Variants in EEF2K observed in about 807,000 individuals in gnomAD.
The protein encoded by EEF2K is eukaryotic elongation factor 2 kinase.
A neutral mutation model predicts 93.8 loss-of-function variants in EEF2K; 70 were observed. The observed-to-expected ratio is 0.75, with a 90% CI of 0.62 to 0.91. The LOEUF (loss-of-function observed/expected upper bound fraction) is 0.91. EEF2K is among the 40% of genes least tolerant of loss of function. The probability of loss-of-function intolerance (pLI) is 0.00; values close to 1 mark genes in which losing one functional copy is unlikely to be tolerated. For missense variants in EEF2K, 935 were observed against 972.9 expected, an observed-to-expected ratio of 0.96 and a Z score of 0.52; for synonymous variants, 376 against 380.8, an observed-to-expected ratio of 0.99 and a Z score of 0.15.
chr16:22,266,299 G>A (rs2047517226), intron 13 of EEF2K, 91 bp from the exon 14 acceptor site: 1 of 1,504,830 alleles, frequency 6.6e-7, no homozygotes, highest in Non-Finnish European at 8.9e-7. Context: ...TCTCCCTCCA[G>A]CCAGGCTCCT....
intron 16 of EEF2K, among the ~76,000 whole-genome samples, chr16:22,274,893 CA>C (rs2047619735): frequency 6.6e-6 from 1 of 152,138 alleles, no homozygotes; most frequent in African/African-American, 2.4e-5. Context: ...TGTGAGCCAC[CA>C]CGCCTGACTA....
chr16:22,276,752 T>C (rs1372197852), intron 16 of EEF2K, among the ~76,000 whole-genome samples: 1 of 152,190 alleles, frequency 6.6e-6, no homozygotes, highest in Non-Finnish European at 1.5e-5. Flanking sequence ...TCTAGTCTAG[T>C]GTCTCCTAGT....
At chr16:22,221,398 C>T (rs558301207) in intron 1 of EEF2K, among the ~76,000 whole-genome samples, 1 of 151,960 alleles carries the variant, frequency 6.6e-6, no homozygotes, top group Admixed American at 6.6e-5. Context: ...CACCTGAACC[C>T]AGCTGTTGGA....
intron 1 of EEF2K, among the ~76,000 whole-genome samples, chr16:22,211,997 T>C (rs1404537916): frequency 6.6e-6 from 1 of 151,640 alleles, no homozygotes; most frequent in Admixed American, 6.6e-5. Context: ...AAGTGAGACG[T>C]GCTGTATCCC....
intron 12 of EEF2K, among the ~76,000 whole-genome samples, chr16:22,264,250 C>A (rs184229875): frequency 7.1e-6 from 1 of 140,640 alleles, no homozygotes. Context: ...CAAGGTCATG[C>A]CGCTGCACTC....
chr16:22,238,300 G>C (rs556490690), intron 2 of EEF2K, among the ~76,000 whole-genome samples: 8 of 151,834 alleles, frequency 5.3e-5, no homozygotes, highest in African/African-American at 1.9e-4. Flanking sequence ...CTCCCTGCCC[G>C]GGGGGAATAC....
intron 1 of EEF2K, among the ~76,000 whole-genome samples, chr16:22,214,510 C>T (rs1488718728): frequency 1.3e-5 from 2 of 151,428 alleles, no homozygotes; most frequent in Non-Finnish European, 2.9e-5. Flanking sequence ...AATAAAATAA[C>T]ATAATTAGCC....
In EEF2K at chr16:22,275,750, C is replaced by T. The variant is rs577476927; in HGVS notation, c.1889+2000C>T. ...CCACCTCCCAGGTTCAAGTGATTCT[C>T]CTGCCTCAGCCTCCCCAGTAGCTGG... On this transcript the variant is annotated intron_variant, in intron 16 of 17. Transcript: ENST00000263026. Among the ~76,000 whole-genome samples the T allele has an allele frequency of 1.3e-3, 200 of 151,466 alleles. 1 individual carries two copies. Among genetic ancestry groups the T allele is most frequent in the Non-Finnish European group, 2.8e-4 (19 of 67,918 alleles).
chr16:22,266,755 A>C lies in EEF2K; in HGVS notation c.1643A>C (p.Gln548Pro). 2 of 1,614,188 alleles carry C rather than the reference A, an allele frequency of 1.2e-6. No homozygotes were observed. Among genetic ancestry groups the C allele is most frequent in the Non-Finnish European group, 1.7e-6 (2 of 1,180,026 alleles). Residue 548 changes from glutamine to proline, a missense_variant, in exon 15 of 18, where the codon CAG (glutamine) becomes CCG (proline). By Grantham distance (76) the Gln-to-Pro change is moderately conservative (BLOSUM62 -1). Transcript: ENST00000263026. ...TGCGAGAAGGGCGAGGAGTGGGACC[A>C]GGAGTCGGCTGTCTTCCACCTGGAG... ...RFCEKGEEWD[Q>P]ESAVFHLEHA...
intron 6 of EEF2K, among the ~76,000 whole-genome samples, chr16:22,252,271 A>G (rs1194664394): frequency 6.6e-6 from 1 of 152,212 alleles, no homozygotes; most frequent in African/African-American, 2.4e-5. Context: ...TGCCACAGGC[A>G]CGGCTGGATG....
At chr16:22,275,215 C>A (rs1415990867) in intron 16 of EEF2K, among the ~76,000 whole-genome samples, 2 of 151,964 alleles carry the variant, frequency 1.3e-5, no homozygotes, top group Non-Finnish European at 2.9e-5. Context: ...CCTTTGTCTA[C>A]CTTTTATTTC....
intron 6 of EEF2K, among the ~76,000 whole-genome samples, chr16:22,254,845 G>A (rs879657744): frequency 2.6e-5 from 4 of 152,078 alleles, no homozygotes; most frequent in Admixed American, 6.6e-5. Context: ...GGGTGGGGGG[G>A]CGGATCACTT....
At chr16:22,277,276 A>G (rs983080241) in intron 16 of EEF2K, among the ~76,000 whole-genome samples, 1 of 152,106 alleles carries the variant, frequency 6.6e-6, no homozygotes, top group East Asian at 1.9e-4. Flanking sequence ...AGCTGGGACC[A>G]TAGCCATGCA....
chr16:22,275,153 C>G (rs948035599), intron 16 of EEF2K, among the ~76,000 whole-genome samples: 1 of 152,024 alleles, frequency 6.6e-6, no homozygotes, highest in African/African-American at 2.4e-5. Context: ...ATGCATGGGG[C>G]GGGGCCTGGA....
At chr16:22,224,147 C>T (rs2047040725) in intron 1 of EEF2K, among the ~76,000 whole-genome samples, 1 of 152,042 alleles carries the variant, frequency 6.6e-6, no homozygotes, top group Non-Finnish European at 1.5e-5. Context: ...GCGGAAGTTG[C>T]AGTGAGCCGA....
At chr16:22,217,878 G>T (rs572178590) in intron 1 of EEF2K, among the ~76,000 whole-genome samples, 12 of 152,270 alleles carry the variant, frequency 7.9e-5, no homozygotes, top group African/African-American at 2.4e-4. Context: ...TCTACGCTGG[G>T]CTTGGTAGTT....
At chr16:22,266,237 T>C (rs1055917355) in intron 13 of EEF2K, among the ~76,000 whole-genome samples, 153 bp from the exon 14 acceptor site, 6 of 149,366 alleles carry the variant, frequency 4.0e-5, no homozygotes, top group African/African-American at 7.3e-5. Context: ...AAAAAAAAAA[T>C]TGGAGCCATG....
At chr16:22,239,416 G>T (rs1598177705) in intron 2 of EEF2K, among the ~76,000 whole-genome samples, 2 of 152,198 alleles carry the variant, frequency 1.3e-5, no homozygotes, top group Non-Finnish European at 2.9e-5. Context: ...AGGGTGGCCT[G>T]CTGAATTCTC....
rs182959007 is a variant in EEF2K at position 22,257,629 on chromosome 16, C to T, written c.902-14C>T. The T allele has an allele frequency of 4.1e-5, 66 of 1,611,500 alleles. No individual in the cohort carries two copies. The highest frequency in any genetic ancestry group is 2.3e-4 in the Admixed American group (14 of 59,988). Reference sequence around the variant, plus strand: ...AGCAAAGCAACACTCCAGACACCCCCGCTCTGTCCACAGGTGTCCGCGGGA... The same window carrying T: ...AGCAAAGCAACACTCCAGACACCCCTGCTCTGTCCACAGGTGTCCGCGGGA... On this transcript the variant is annotated splice_polypyrimidine_tract_variant and intron_variant, in intron 8 of 17. Transcript: ENST00000263026.
Sources: allele counts gnomAD v4.1 joint callset (sites outside exome capture counted in the v4.1 genomes callset), GRCh38; gene constraint gnomAD v4.1.1; transcripts MANE v1.5; gene names NCBI Gene and HGNC (gene_info 2026-07-23, HGNC 2026-07-21).